Variants in COA5 observed in about 807,000 individuals in gnomAD.
The protein encoded by COA5 is protein C2orf64.
A neutral mutation model predicts 11.8 loss-of-function variants in COA5; 11 were observed. That is an observed-to-expected ratio of 0.93 (90% CI 0.59 to 1.54). The LOEUF is 1.54. Ranked by LOEUF, COA5 falls within the 40% of genes most tolerant of loss-of-function variation. The probability of loss-of-function intolerance (pLI) is 0.00; values close to 1 mark genes in which losing one functional copy is unlikely to be tolerated. For missense variants in COA5, 87 were observed against 89.2 expected (o/e 0.97, Z 0.10); for synonymous variants, 38 against 37.5 (o/e 1.01, Z -0.05).
Position 98,608,342 on chromosome 2 carries a change from C to A in COA5, c.64G>T (p.Gly22Cys), listed in dbSNP as rs1700741487. ...CAGTCCGACTGCAGCAGACACGCGC[C>A]CAGGTCCTCCTTCAGGCCCGCGCAC... The part of the protein sequence containing the change: ...GACAGLKEDL[G>C]ACLLQSDCVV... Residue 22 changes from glycine to cysteine, a missense_variant, in exon 1 of 3, where the codon GGC (glycine) becomes TGC (cysteine). Transcript: ENST00000328709. The A allele has an allele frequency of 6.2e-7, 1 of 1,609,368 alleles. No homozygotes were observed. The highest frequency in any genetic ancestry group is 1.1e-5 in the South Asian group (1 of 90,496).
chr2:98,601,786 T>TA (rs1226761310), intron 2 of COA5, among the ~76,000 whole-genome samples: 4 of 152,014 alleles, frequency 2.6e-5, no homozygotes, highest in African/African-American at 7.2e-5. Flanking sequence ...TCAGCAGCAT[T>TA]AGAGTCTCAG....
chr2:98,602,048 G>C (rs1255467480), intron 2 of COA5, among the ~76,000 whole-genome samples: 1 of 152,082 alleles, frequency 6.6e-6, no homozygotes, highest in Non-Finnish European at 1.5e-5. Context: ...ACAAAGTGTG[G>C]ACAGACAGCC....
In COA5 at chr2:98,601,568, G is replaced by A. The variant is rs117819202; in HGVS notation, c.184-775C>T. ...TCTTAAGGGTAGTAGGTAGAGCAGAGGGTTCTCAAGTCAGTTTGTAAGGCA... is the reference window on the plus strand; with the variant it reads ...TCTTAAGGGTAGTAGGTAGAGCAGAAGGTTCTCAAGTCAGTTTGTAAGGCA... On this transcript the variant is annotated intron_variant, in intron 2 of 2. Transcript: ENST00000328709. 3.0e-4 allele frequency among the ~76,000 whole-genome samples: 46 copies of A among 152,308 alleles called. No individual in the cohort carries two copies. The East Asian group carries it at 7.7e-3, about 26-fold the overall frequency.
chr2:98,600,901 C>A, intron 2 of COA5, 108 bp from the exon 3 acceptor site: 2 of 745,230 alleles, frequency 2.7e-6, no homozygotes, highest in Admixed American at 2.1e-5. Context: ...CAGTTATTAG[C>A]AAAATCAAAA....
At chr2:98,606,639 C>T (rs1194883760) in intron 1 of COA5, among the ~76,000 whole-genome samples, 1 of 152,232 alleles carries the variant, frequency 6.6e-6, no homozygotes, top group Non-Finnish European at 1.5e-5. Flanking sequence ...CTGTATCAAC[C>T]GCTGCAGAAA....
chr2:98,608,447 C>T lies in COA5; in HGVS notation c.-42G>A, dbSNP rs1051014507. On this transcript the variant is annotated 5_prime_UTR_variant, in exon 1 of 3. Coordinates refer to ENST00000328709, the MANE Select transcript of COA5 (RefSeq NM_001008215.3). ...CGATGCGGACGCGACTTTCTCCCAC[C>T]GCAACACTTGCAACCGGGTCGGGAG... The T allele has an allele frequency of 1.8e-5, 26 of 1,452,114 alleles. No homozygotes were observed. Among genetic ancestry groups the T allele is most frequent in the Non-Finnish European group, 2.5e-5 (26 of 1,058,960 alleles). 90.0% of individuals were successfully genotyped at this position (1,452,114 alleles called of 1,614,324 possible). A position where few individuals can be genotyped will look rare whatever the true frequency, so the allele number is the denominator to read the frequency against.
chr2:98,605,108 G>GTGT (rs1559144947), intron 1 of COA5, among the ~76,000 whole-genome samples: 2 of 152,178 alleles, frequency 1.3e-5, no homozygotes, highest in Non-Finnish European at 2.9e-5. Context: ...CTGGGGTAAA[G>GTGT]ATCCATCTAG....
chr2:98,604,522 A>G (rs1020335514), intron 1 of COA5: 1 of 278,266 alleles, frequency 3.6e-6, no homozygotes. Context: ...GTACCCTAAA[A>G]TCAGAATATT....
chr2:98,601,163 C>T (rs1165880365), intron 2 of COA5, among the ~76,000 whole-genome samples: 2 of 151,948 alleles, frequency 1.3e-5, no homozygotes, highest in Non-Finnish European at 2.9e-5. Flanking sequence ...GAGAATTGCT[C>T]GAACCTGGGA....
At chr2:98,603,446 A>G (rs1195029519) in intron 2 of COA5, among the ~76,000 whole-genome samples, 1 of 152,084 alleles carries the variant, frequency 6.6e-6, no homozygotes, top group Admixed American at 6.6e-5. Flanking sequence ...GCGCCACTGC[A>G]CTCCAGCCTG....
In COA5 at chr2:98,600,653, A is replaced by G. The variant is rs1575223464; in HGVS notation, c.*99T>C. The G allele has an allele frequency of 9.6e-7, 1 of 1,044,266 alleles. No homozygotes were observed. Among genetic ancestry groups the G allele is most frequent in the Admixed American group, 2.0e-5 (1 of 50,686 alleles). The allele number at this position is 1,044,266 out of a possible 1,614,324, so 64.7% of individuals were successfully genotyped here. A position where few individuals can be genotyped will look rare whatever the true frequency, so the allele number is the denominator to read the frequency against. On this transcript the variant is annotated 3_prime_UTR_variant, in exon 3 of 3. Transcript: ENST00000328709. ...ACGGAGGGGAAATCTGGTCCAACCA[A>G]ACAGATGTAGTAAAAAGTATGTTTC...
rs1700630493 is a variant in COA5, at chr2:98,600,730, A to ATG, written c.*20_*21dup. Reference sequence around the variant, plus strand: ...CCAGGGAAAATATTTGTTGTTTTCCATGTTGGCTTCAACATAATGCATCAA... The same window carrying ATG: ...CCAGGGAAAATATTTGTTGTTTTCCATGTGTTGGCTTCAACATAATGCATCAA... On this transcript the variant is annotated 3_prime_UTR_variant, in exon 3 of 3. Transcript: ENST00000328709. 6.2e-7 allele frequency: 1 copy of ATG among 1,605,646 alleles called. No individual in the cohort carries two copies. Among genetic ancestry groups the ATG allele is most frequent in the Admixed American group, 1.7e-5 (1 of 59,756 alleles).
chr2:98,604,171 C>G lies in COA5; in HGVS notation c.120G>C (p.Gln40His). 2 of 1,613,784 alleles carry G rather than the reference C, an allele frequency of 1.2e-6. No individual in the cohort carries two copies. Among genetic ancestry groups the G allele is most frequent in the Non-Finnish European group, 1.7e-6 (2 of 1,179,764 alleles). ...CVVQEGKSPR[Q>H]CLKEGYCNSL... is the part of the protein sequence containing the mutation. ...AGTTGCAGTATCCTTCCTTCAAACA[C>G]TGCCGAGGTGATTTTCCTTCCTATG... The change falls in exon 2 of 3, where the codon CAG becomes CAC. Residue 40 changes from glutamine (Q) to histidine (H), a missense_variant. By Grantham distance (24) the Gln-to-His change is conservative (BLOSUM62 0). Coordinates refer to ENST00000328709, the MANE Select transcript of COA5 (RefSeq NM_001008215.3).
intron 1 of COA5, chr2:98,604,512 G>A: frequency 3.4e-6 from 1 of 292,620 alleles, no homozygotes; most frequent in South Asian, 3.8e-5. Flanking sequence ...TGTGAACTGG[G>A]TACCCTAAAA....
At chr2:98,603,810 C>T (rs898202311) in intron 2 of COA5, among the ~76,000 whole-genome samples, 7 of 152,182 alleles carry the variant, frequency 4.6e-5, no homozygotes, top group Non-Finnish European at 1.0e-4. Flanking sequence ...GATCTGAACT[C>T]GAGTGGCCAA....
chr2:98,603,811 G>C (rs1393603020), intron 2 of COA5, among the ~76,000 whole-genome samples: 3 of 152,078 alleles, frequency 2.0e-5, no homozygotes, highest in Non-Finnish European at 2.9e-5. Flanking sequence ...ATCTGAACTC[G>C]AGTGGCCAAC....
At position 98,599,453 on chromosome 2, in the gene COA5, A is replaced by G. The variant is rs1194560642; in HGVS notation, c.*1299T>C. ...TAATAAAAAGTTAGATCACTTATAT[A>G]TATATACATTGAAAAAAACTATTAT... On this transcript the variant is annotated 3_prime_UTR_variant, in exon 3 of 3. Transcript: ENST00000328709. The G allele has an allele frequency of 6.6e-6, 1 of 152,194 alleles. No individual in the cohort carries two copies. Among genetic ancestry groups the G allele is most frequent in the East Asian group, 1.9e-4 (1 of 5,196 alleles). 9.4% of individuals were successfully genotyped at this position (152,194 alleles called of 1,614,324 possible).
rs775008663 is a variant in COA5 at position 98,604,158 on chromosome 2, C to T, written c.133G>A (p.Gly45Arg). 6.2e-7 allele frequency: 1 copy of T among 1,613,852 alleles called. No individual in the cohort carries two copies. The highest frequency in any genetic ancestry group is 2.2e-5 in the East Asian group (1 of 44,846). The change falls in exon 2 of 3, where the codon GGA becomes AGA. Residue 45 changes from glycine to arginine, a missense_variant. By Grantham distance (125) the Gly-to-Arg change is moderately radical (BLOSUM62 -2). Coordinates refer to ENST00000328709, the MANE Select transcript of COA5 (RefSeq NM_001008215.3). Reference sequence around the variant, plus strand: ...GCGTACTTCAAAGAGTTGCAGTATCCTTCCTTCAAACACTGCCGAGGTGAT... The same window carrying T: ...GCGTACTTCAAAGAGTTGCAGTATCTTTCCTTCAAACACTGCCGAGGTGAT... ...GKSPRQCLKE[G>R]YCNSLKYAFF... is the part of the protein sequence containing the mutation.
Position 98,604,094 on chromosome 2 carries a change from C to G in COA5, c.183+14G>C. ...ATTTTTAGCATAGGCTTTTAAAAAT[C>G]TTTAACCACTTACCACTGATCTTTT... On this transcript the variant is annotated intron_variant, in intron 2 of 2. Coordinates refer to ENST00000328709, the MANE Select transcript of COA5 (RefSeq NM_001008215.3). The G allele has an allele frequency of 6.2e-7, 1 of 1,605,024 alleles. No homozygotes were observed. The highest frequency in any genetic ancestry group is 8.5e-7 in the Non-Finnish European group (1 of 1,171,948).
Sources: gnomAD v4.1 joint callset for allele counts (sites outside exome capture counted in the v4.1 genomes callset) on GRCh38, gnomAD v4.1.1 for gene constraint, MANE v1.5 for transcripts, NCBI Gene and HGNC (gene_info 2026-07-23, HGNC 2026-07-21) for gene names.